ZBTB4: variants seen among roughly 807,000 people sequenced by gnomAD.
The protein encoded by ZBTB4 is zinc finger and BTB domain containing 4, also known as zinc finger and BTB domain-containing protein 4.
In ZBTB4, 14 loss-of-function variants were observed where a neutral mutation model predicts 59.8. The ratio of observed to expected loss-of-function variants is 0.23; its 90% confidence interval spans 0.15 to 0.37. ZBTB4 has a LOEUF of 0.37. Ranked by LOEUF, ZBTB4 falls within the 10% of genes least tolerant of loss-of-function variation. ZBTB4 has a pLI of 1.00. For missense variants in ZBTB4, 1,198 were observed against 1,380.8 expected (o/e 0.87, Z 2.10); for synonymous variants, 587 against 575.2 (o/e 1.02, Z -0.29).
chr17:7,469,354 G>GGTGAA (rs973040132), intron 1 of ZBTB4, among the ~76,000 whole-genome samples: 3 of 151,946 alleles, frequency 2.0e-5, no homozygotes, highest in Non-Finnish European at 4.4e-5. Flanking sequence ...TTTTAGTAGA[G>GGTGAA]ACAGGGTTTC....
upstream of ZBTB4, chr17:7,483,979 A>ATCCGC (rs146228722): frequency 1.5e-4 from 22 of 151,306 alleles, no homozygotes; most frequent in African/African-American, 5.3e-4. Context: ...CCCCGGGAGG[A>ATCCGC]CCCGCCCCGC....
At chr17:7,471,596 G>A (rs1018948883) in intron 1 of ZBTB4, among the ~76,000 whole-genome samples, 7 of 152,176 alleles carry the variant, frequency 4.6e-5, no homozygotes, top group Non-Finnish European at 7.3e-5. Flanking sequence ...GCGTTTGGAC[G>A]CAGCTTGAGT....
chr17:7,467,298 A>T lies in ZBTB4; in HGVS notation c.-51T>A. 2.1e-6 allele frequency: 2 copies of T among 972,426 alleles called. No individual in the cohort carries two copies. The highest frequency in any genetic ancestry group is 2.4e-6 in the Non-Finnish European group (2 of 817,250). 60.2% of individuals were successfully genotyped at this position (972,426 alleles called of 1,614,324 possible). ...CATGGAGTGGGGCGGGGGGTGGCTC[A>T]GCGAGTCCCTTCTGCTGGGCCTCTT... On this transcript the variant is annotated 5_prime_UTR_variant, in exon 2 of 4. The change abolishes the stop of an existing upstream ORF in the 5' untranslated region. Transcript: ENST00000380599.
Position 7,463,334 on chromosome 17 carries a change from T to C in ZBTB4, c.1648A>G (p.Met550Val), listed in dbSNP as rs778759517. 3.7e-6 allele frequency: 6 copies of C among 1,607,758 alleles called. No individual in the cohort carries two copies. The highest frequency in any genetic ancestry group is 4.2e-6 in the Non-Finnish European group (5 of 1,177,384). The part of the protein sequence containing the change: ...VSPATAAGPA[M>V]ATTTEEAKGR... ...TTGGCCTCCTCCGTGGTGGTGGCCATGGCTGGCCCTGCAGCGGTGGCTGGG... is the reference window on the plus strand; with the variant it reads ...TTGGCCTCCTCCGTGGTGGTGGCCACGGCTGGCCCTGCAGCGGTGGCTGGG... The change falls in exon 4 of 4, where the codon ATG becomes GTG. Residue 550 changes from methionine (M) to valine (V), a missense_variant. Physicochemically the swap from Met to Val is conservative, Grantham distance 21 (BLOSUM62 1). Around this residue, in one of 9 missense-constraint regions of ZBTB4, gnomAD observed 550 missense variants for 541.8 expected, o/e 1.02. Coordinates refer to ENST00000380599, the MANE Select transcript of ZBTB4 (RefSeq NM_001128833.2).
chr17:7,472,066 C>T (rs746061500), intron 1 of ZBTB4, among the ~76,000 whole-genome samples: 66 of 152,284 alleles, frequency 4.3e-4, no homozygotes, highest in South Asian at 3.3e-3. Context: ...CAGTGAACCC[C>T]AACTTCCTTT....
chr17:7,467,191 G>A lies in ZBTB4; in HGVS notation c.-10+66C>T, dbSNP rs764510390. On this transcript the variant is annotated intron_variant, in intron 2 of 3. Transcript: ENST00000380599. ...ACTCCCCAGCCTAGACAAAATGGCC[G>A]CCCCTGCTGGCCTGCTGCCTTGGGT... The A allele has an allele frequency of 2.3e-5, 24 of 1,033,218 alleles. No homozygotes were observed. The African/African-American group carries it at 3.1e-4, about 13-fold the overall frequency. The allele number at this position is 1,033,218 out of a possible 1,614,324, so 64.0% of individuals were successfully genotyped here. A position where few individuals can be genotyped will look rare whatever the true frequency, so the allele number is the denominator to read the frequency against.
chr17:7,483,726 C>CG (rs1005116763), upstream of ZBTB4, among the ~76,000 whole-genome samples: 17 of 152,340 alleles, frequency 1.1e-4, no homozygotes, highest in African/African-American at 4.1e-4. Flanking sequence ...TGATCTCTCC[C>CG]GGACAGTGGC....
At chr17:7,467,206 C>A in intron 2 of ZBTB4, 51 bp downstream of exon 2, 1 of 1,024,730 alleles carries the variant, frequency 9.8e-7, no homozygotes, top group Non-Finnish European at 1.2e-6. Flanking sequence ...TGCTGGCCTG[C>A]TGCCTTGGGT....
chr17:7,463,079 C>T lies in ZBTB4; in HGVS notation c.1903G>A (p.Glu635Lys). 6.2e-7 allele frequency: 1 copy of T among 1,611,106 alleles called. No individual in the cohort carries two copies. Among genetic ancestry groups the T allele is most frequent in the Non-Finnish European group, 8.5e-7 (1 of 1,179,484 alleles). Residue 635 changes from glutamate (E) to lysine (K), a missense_variant, in exon 4 of 4, where the codon GAG becomes AAG. By Grantham distance (56) the Glu-to-Lys change is moderately conservative. Coordinates refer to ENST00000380599, the MANE Select transcript of ZBTB4 (RefSeq NM_001128833.2). Reference sequence around the variant, plus strand: ...TCCTCCTCTTCGTCCTCCTCACTCTCCTCCATCTCCTCTCCGCTCAGCTCC... The same window carrying T: ...TCCTCCTCTTCGTCCTCCTCACTCTTCTCCATCTCCTCTCCGCTCAGCTCC... The part of the protein sequence containing the change: ...PGELSGEEME[E>K]SEEDEEEEDE...
In ZBTB4 at chr17:7,463,524, G is replaced by A. The variant is rs372603900; in HGVS notation, c.1458C>T (p.Gly486=). 159 of 1,575,108 alleles carry A rather than the reference G, an allele frequency of 1.0e-4. No individual in the cohort carries two copies. Among genetic ancestry groups the A allele is most frequent in the Non-Finnish European group, 1.2e-4 (145 of 1,161,008 alleles). ...CACTCCCCCCTCCACCACTGCTACTGCCCCCATGGACAATGACAGAGGGGG... is the reference window on the plus strand; with the variant it reads ...CACTCCCCCCTCCACCACTGCTACTACCCCCATGGACAATGACAGAGGGGG... ...HPAPSVIVHG[G]SSSGGGGSGT... is the part of the protein sequence containing the mutation. Residue 486 remains glycine, a synonymous_variant, in exon 4 of 4, where the codon GGC becomes GGT. Coordinates refer to ENST00000380599, the MANE Select transcript of ZBTB4 (RefSeq NM_001128833.2).
In ZBTB4 at chr17:7,461,198, A is replaced by AT. The variant is rs1179714034; in HGVS notation, c.*741dup. 1.3e-5 allele frequency: 2 copies of AT among 152,694 alleles called. No homozygotes were observed. Among genetic ancestry groups the AT allele is most frequent in the Non-Finnish European group, 2.9e-5 (2 of 68,096 alleles). The allele number at this position is 152,694 out of a possible 1,614,324, so 9.5% of individuals were successfully genotyped here. ...GGATTTGGGGGTCAAGATAGGGCCA[A>AT]TATTTCCCTGCCCTGGACTGGGAAA... is the stretch of plus-strand genomic sequence containing the variant. On this transcript the variant is annotated 3_prime_UTR_variant, in exon 4 of 4. Transcript: ENST00000380599.
chr17:7,479,390 C>T, intron 1 of ZBTB4, 66 bp downstream of exon 1: 1 of 153,066 alleles, frequency 6.5e-6, no homozygotes, highest in East Asian at 1.9e-4. Flanking sequence ...CGCCGGGCAG[C>T]GGAGAGGGGG....
In ZBTB4 at chr17:7,464,404, C is replaced by T. The variant is rs77447792; in HGVS notation, c.1092-514G>A. On this transcript the variant is annotated intron_variant, in intron 3 of 3. Coordinates refer to ENST00000380599, the MANE Select transcript of ZBTB4 (RefSeq NM_001128833.2). The stretch of plus-strand genomic sequence containing the variant: ...TTGCACCACTGCACTCCCGCCTGGG[C>T]GACAGAGTGAGACTCTGTCAAAAAA... Among the ~76,000 whole-genome samples the T allele has an allele frequency of 1.3e-3, 156 of 121,866 alleles. 1 individual carries two copies. The East Asian group carries it at 0.034, about 27-fold the overall frequency. 79.9% of individuals were successfully genotyped at this position (121,866 alleles called of 152,430 possible).
rs2070019321 is a variant in ZBTB4 at position 7,461,459 on chromosome 17, A to G, written c.*481T>C. 1 of 153,234 alleles carries G rather than the reference A, an allele frequency of 6.5e-6. No homozygotes were observed. Among genetic ancestry groups the G allele is most frequent in the Non-Finnish European group, 1.5e-5 (1 of 68,518 alleles). 9.5% of individuals were successfully genotyped at this position (153,234 alleles called of 1,614,324 possible). A position where few individuals can be genotyped will look rare whatever the true frequency, so the allele number is the denominator to read the frequency against. On this transcript the variant is annotated 3_prime_UTR_variant, in exon 4 of 4. Coordinates refer to ENST00000380599, the MANE Select transcript of ZBTB4 (RefSeq NM_001128833.2). Reference sequence around the variant, plus strand: ...CAGGTGGGCGGGGTCAGGTATCACAATGGTCTGGTCCAGGCCCTGGGCCAC... The same window carrying G: ...CAGGTGGGCGGGGTCAGGTATCACAGTGGTCTGGTCCAGGCCCTGGGCCAC...
chr17:7,464,432 A>G (rs2070082251), intron 3 of ZBTB4, among the ~76,000 whole-genome samples: 1 of 7,402 alleles, frequency 1.4e-4, no homozygotes, highest in East Asian at 4.8e-3. Flanking sequence ...TCAAAAAAAG[A>G]AAAAAAAAAA....
chr17:7,480,671 G>T (rs2070333046), upstream of ZBTB4, among the ~76,000 whole-genome samples: 1 of 151,896 alleles, frequency 6.6e-6, no homozygotes, highest in South Asian at 2.1e-4. Context: ...AGTGAGCCGA[G>T]ATCTCGCCAC....
Position 7,462,457 on chromosome 17 carries a change from G to A in ZBTB4, c.2525C>T (p.Ser842Phe), listed in dbSNP as rs1238504462. 6.2e-7 allele frequency: 1 copy of A among 1,613,738 alleles called. No homozygotes were observed. The highest frequency in any genetic ancestry group is 8.5e-7 in the Non-Finnish European group (1 of 1,180,016). ...GGGSTAAEEA[S>F]ETASLQDPII... ...AGGGTCCTGGAGTGAGGCGGTCTCGGAAGCTTCCTCAGCAGCAGTGCTCCC... is the reference window on the plus strand; with the variant it reads ...AGGGTCCTGGAGTGAGGCGGTCTCGAAAGCTTCCTCAGCAGCAGTGCTCCC... Residue 842 changes from serine to phenylalanine, a missense_variant, in exon 4 of 4, where the codon TCC becomes TTC. Physicochemically the swap from Ser to Phe is radical, Grantham distance 155. Transcript: ENST00000380599. The surrounding 1 kb of genome is among the most constrained non-coding windows in gnomAD (Gnocchi z 7.5).
At chr17:7,477,225 C>T (rs901563390) in intron 1 of ZBTB4, among the ~76,000 whole-genome samples, 5 of 152,236 alleles carry the variant, frequency 3.3e-5, no homozygotes, top group Admixed American at 3.3e-4. Context: ...ATAGGCACAG[C>T]CCCCAGACTA....
chr17:7,465,077 A>G (rs1165791455), intron 3 of ZBTB4, among the ~76,000 whole-genome samples: 6 of 148,082 alleles, frequency 4.1e-5, no homozygotes, highest in Non-Finnish European at 8.9e-5. Flanking sequence ...AATGGCGTGA[A>G]CCTGGGAAGT....
Sources: allele counts gnomAD v4.1 joint callset (sites outside exome capture counted in the v4.1 genomes callset), GRCh38; gene constraint gnomAD v4.1.1; regional missense constraint gnomAD v4.1.1; non-coding constraint Gnocchi (gnomAD v3.1); transcripts MANE v1.5; gene names NCBI Gene and HGNC (gene_info 2026-07-23, HGNC 2026-07-21).